DLC1: variants seen among roughly 807,000 people sequenced by gnomAD.
DLC1 encodes DLC1 Rho GTPase activating protein.
In DLC1, 54 loss-of-function variants were observed where a neutral mutation model predicts 140.3. The ratio of observed to expected loss-of-function variants is 0.38; its 90% confidence interval spans 0.31 to 0.48. The LOEUF is 0.48. Among genes scored for constraint, DLC1 ranks in the 20% least tolerant of loss-of-function variants. DLC1 has a pLI of 0.96. For synonymous variants in DLC1, 986 were observed against 728.1 expected (o/e 1.35, Z -5.70); for missense variants, 2,536 against 1,907.0 (o/e 1.33, Z -6.14).
intron 5 of DLC1, among the ~76,000 whole-genome samples, chr8:13,302,278 G>C (rs751820083): frequency 6.6e-6 from 1 of 152,178 alleles, no homozygotes; most frequent in East Asian, 1.9e-4. Flanking sequence ...TTCCTATGGG[G>C]CAGAGGCCAT....
At chr8:13,516,418 T>C (rs1016457760), upstream of DLC1, among the ~76,000 whole-genome samples, 3 of 152,240 alleles carry the variant, frequency 2.0e-5, no homozygotes, top group East Asian at 5.8e-4. Context: ...TATCTTGTAG[T>C]ACTTTTTGAT....
At chr8:13,172,728 G>C (rs1315712386) in intron 5 of DLC1, among the ~76,000 whole-genome samples, 1 of 152,182 alleles carries the variant, frequency 6.6e-6, no homozygotes. Context: ...GAAAATGGAA[G>C]TTCGATTCCT....
intron 4 of DLC1, among the ~76,000 whole-genome samples, chr8:13,386,938 G>A (rs1012404063): frequency 6.6e-6 from 1 of 152,014 alleles, no homozygotes; most frequent in African/African-American, 2.4e-5. Context: ...TAATGTGATT[G>A]CTTTGACATG....
chr8:13,585,321 T>G (rs1191542377), intron 1 of DLC1, among the ~76,000 whole-genome samples: 4 of 152,092 alleles, frequency 2.6e-5, no homozygotes, highest in African/African-American at 9.7e-5. Flanking sequence ...CCCAGCACTT[T>G]GAGAGGCTGA....
chr8:13,408,763 T>C (rs947035005), intron 2 of DLC1, among the ~76,000 whole-genome samples: 15 of 152,330 alleles, frequency 9.8e-5, no homozygotes, highest in East Asian at 1.9e-4. Flanking sequence ...ATCATGCTTA[T>C]GTGGTATCTG....
chr8:13,102,161 C>T (rs1434402791), intron 8 of DLC1, among the ~76,000 whole-genome samples: 1 of 152,132 alleles, frequency 6.6e-6, no homozygotes, highest in Non-Finnish European at 1.5e-5. Flanking sequence ...CCTGTTTACT[C>T]TAATTTGTGA....
At chr8:13,480,999 A>C (rs1171308219) in intron 2 of DLC1, among the ~76,000 whole-genome samples, 1 of 152,252 alleles carries the variant, frequency 6.6e-6, no homozygotes, top group Non-Finnish European at 1.5e-5. Flanking sequence ...CCAAGAGGCC[A>C]GTTAAGAAAA....
At chr8:13,086,134 A>C in intron 17 of DLC1, 156 bp downstream of exon 17, 1 of 1,329,024 alleles carries the variant, frequency 7.5e-7, no homozygotes, top group South Asian at 1.5e-5. Context: ...TCGCTGAAAG[A>C]CCAACAAACA....
At chr8:13,092,398 C>T (rs562810691) in intron 13 of DLC1, among the ~76,000 whole-genome samples, 4 of 152,188 alleles carry the variant, frequency 2.6e-5, no homozygotes, top group Non-Finnish European at 5.9e-5. Flanking sequence ...TGGATTTTGT[C>T]TGTGGGGGTT....
At chr8:13,303,710 G>A (rs150636802) in intron 5 of DLC1, among the ~76,000 whole-genome samples, 6 of 152,246 alleles carry the variant, frequency 3.9e-5, no homozygotes, top group Non-Finnish European at 8.8e-5. Context: ...GCTGAGGCAG[G>A]AGAATGGCTT....
At chr8:13,462,728 T>C (rs1799730035) in intron 2 of DLC1, among the ~76,000 whole-genome samples, 1 of 152,168 alleles carries the variant, frequency 6.6e-6, no homozygotes, top group African/African-American at 2.4e-5. Flanking sequence ...TCTTGGTAAA[T>C]TGTTCTTATT....
chr8:13,165,590 T>C (rs1825051916), intron 5 of DLC1, among the ~76,000 whole-genome samples: 1 of 152,240 alleles, frequency 6.6e-6, no homozygotes, highest in Non-Finnish European at 1.5e-5. Flanking sequence ...CTGTTTGCTA[T>C]AGCTCTTTTG....
intron 1 of DLC1, among the ~76,000 whole-genome samples, chr8:13,574,648 G>T (rs887273852): frequency 4.6e-5 from 7 of 152,020 alleles, no homozygotes; most frequent in Non-Finnish European, 1.5e-5. Context: ...TTCATGTTTT[G>T]TACTCTAGGT....
intron 4 of DLC1, among the ~76,000 whole-genome samples, chr8:13,344,718 C>G (rs1015757850): frequency 4.6e-5 from 7 of 152,116 alleles, no homozygotes; most frequent in African/African-American, 9.7e-5. Flanking sequence ...GTGATTATAA[C>G]ACAAGATAGA....
At chr8:13,108,543 C>T (rs2128944730) in intron 7 of DLC1, among the ~76,000 whole-genome samples, 1 of 152,082 alleles carries the variant, frequency 6.6e-6, no homozygotes, top group East Asian at 1.9e-4. Context: ...ACTTTTTTTC[C>T]CAGAAATGGA....
intron 5 of DLC1, among the ~76,000 whole-genome samples, chr8:13,132,624 C>T (rs1193803276): frequency 6.6e-6 from 1 of 152,144 alleles, no homozygotes; most frequent in Non-Finnish European, 1.5e-5. Context: ...GAGCCCCCGC[C>T]CGGCTCAAGG....
At chr8:13,374,114 T>A (rs1835852762) in intron 4 of DLC1, among the ~76,000 whole-genome samples, 1 of 152,168 alleles carries the variant, frequency 6.6e-6, no homozygotes, top group Admixed American at 6.5e-5. Flanking sequence ...ATGAACTGTA[T>A]CTGTATTTAA....
intron 5 of DLC1, among the ~76,000 whole-genome samples, chr8:13,301,389 T>C (rs1456992682): frequency 6.6e-6 from 1 of 152,216 alleles, no homozygotes; most frequent in Non-Finnish European, 1.5e-5. Flanking sequence ...ATTTTAGGAC[T>C]TGTGGAACAC....
chr8:13,598,025 G>A (rs565978072), intron 1 of DLC1, among the ~76,000 whole-genome samples: 11 of 152,122 alleles, frequency 7.2e-5, no homozygotes, highest in African/African-American at 2.6e-4. Flanking sequence ...ATTTTGCTCC[G>A]CCACTTGTAG....
Sources: allele counts gnomAD v4.1 joint callset (sites outside exome capture counted in the v4.1 genomes callset), GRCh38; gene constraint gnomAD v4.1.1; transcripts MANE v1.5; gene names NCBI Gene and HGNC (gene_info 2026-07-23, HGNC 2026-07-21).